Variants in TMLHE observed in about 807,000 individuals in gnomAD.
TMLHE encodes trimethyllysine hydroxylase, epsilon, also known as trimethyllysine dioxygenase, mitochondrial.
TMLHE carries 18 observed loss-of-function variants against 25.7 expected under a neutral mutation model. That is an observed-to-expected ratio of 0.70 (90% CI 0.48 to 1.04). TMLHE has a LOEUF of 1.04. TMLHE is among the 50% of genes least tolerant of loss of function. TMLHE has a pLI of 0.00. For missense variants in TMLHE, 236 were observed against 259.0 expected, an observed-to-expected ratio of 0.91 and a Z score of 0.61; for synonymous variants, 105 against 97.0, an observed-to-expected ratio of 1.08 and a Z score of -0.49.
At chrX:155,523,183 C>A (rs1240595765) in intron 3 of TMLHE, among the ~76,000 whole-genome samples, 4 of 111,877 alleles carry the variant, frequency 3.6e-5, no homozygotes, top group Non-Finnish European at 7.5e-5. Context: ...TATCTTTTAT[C>A]CATTTTTAAA....
intron 1 of TMLHE, among the ~76,000 whole-genome samples, chrX:155,579,243 GAAA>G (rs2067610201): frequency 9.0e-6 from 1 of 111,366 alleles, no homozygotes; most frequent in Non-Finnish European, 1.9e-5. Context: ...CACAGAATTA[GAAA>G]AAAATTATAA....
intron 1 of TMLHE, among the ~76,000 whole-genome samples, chrX:155,580,020 C>T (rs916723641): frequency 9.1e-6 from 1 of 110,442 alleles, no homozygotes; most frequent in Non-Finnish European, 1.9e-5. Context: ...AATTAATCAA[C>T]CAGGTGCACA....
intron 1 of TMLHE, among the ~76,000 whole-genome samples, chrX:155,586,486 C>A (rs1009913642): frequency 9.1e-6 from 1 of 110,150 alleles, no homozygotes. Flanking sequence ...TGAACAAAAC[C>A]CAAAATTAGC....
intron 1 of TMLHE, among the ~76,000 whole-genome samples, chrX:155,556,012 T>C (rs2067452049): frequency 9.0e-6 from 1 of 110,878 alleles, no homozygotes; most frequent in African/African-American, 3.3e-5. Flanking sequence ...AGGTCTAACA[T>C]TTAAGTCTTT....
intron 1 of TMLHE, among the ~76,000 whole-genome samples, chrX:155,559,923 C>G (rs905114367): frequency 2.4e-4 from 27 of 112,543 alleles, no homozygotes; most frequent in African/African-American, 8.1e-4. Context: ...AGACTTAGCT[C>G]AAATGTCACC....
At chrX:155,522,165 A>T (rs1260777536) in intron 3 of TMLHE, among the ~76,000 whole-genome samples, 4 of 111,817 alleles carry the variant, frequency 3.6e-5, no homozygotes, top group African/African-American at 1.3e-4. Context: ...TTTCTATGGC[A>T]TTTTTTTTCT....
chrX:155,544,969 T>C (rs1046193160), intron 2 of TMLHE, 127 bp downstream of exon 2: 12 of 666,255 alleles, frequency 1.8e-5, no homozygotes, highest in Non-Finnish European at 2.8e-5. Context: ...ATGGTTAAGA[T>C]AGTAAATTTT....
chrX:155,580,731 C>T (rs2067621209), intron 1 of TMLHE, among the ~76,000 whole-genome samples: 1 of 111,504 alleles, frequency 9.0e-6, no homozygotes, highest in African/African-American at 3.3e-5. Context: ...AGGGAAACTA[C>T]TCTTTATAAA....
At chrX:155,570,880 G>A (rs1207915300) in intron 1 of TMLHE, among the ~76,000 whole-genome samples, 1 of 57,158 alleles carries the variant, frequency 1.7e-5, no homozygotes, top group Non-Finnish European at 4.6e-5. Context: ...AAGAGAAGCA[G>A]GAAAGATCCA....
chrX:155,577,939 T>C (rs1301534570), intron 1 of TMLHE, among the ~76,000 whole-genome samples: 2 of 111,365 alleles, frequency 1.8e-5, no homozygotes, highest in African/African-American at 6.6e-5. Context: ...CCTATGTTGC[T>C]CCCACTGATA....
chrX:155,607,816 T>TA (rs1303483574), intron 1 of TMLHE, among the ~76,000 whole-genome samples: 1 of 109,693 alleles, frequency 9.1e-6, no homozygotes, highest in African/African-American at 3.3e-5. Context: ...ACAATAGACA[T>TA]AAAAAAAATA....
chrX:155,581,954 T>G (rs1273446316), intron 1 of TMLHE, among the ~76,000 whole-genome samples: 1 of 111,967 alleles, frequency 8.9e-6, no homozygotes, highest in African/African-American at 3.3e-5. Flanking sequence ...CAAAACAGCA[T>G]GGTACTGGTA....
intron 1 of TMLHE, among the ~76,000 whole-genome samples, chrX:155,577,173 C>T (rs1412726894): frequency 8.9e-6 from 1 of 112,060 alleles, no homozygotes; most frequent in Non-Finnish European, 1.9e-5. Flanking sequence ...AACCAAACAA[C>T]CCCATTAAAG....
intron 3 of TMLHE, among the ~76,000 whole-genome samples, chrX:155,515,033 C>T (rs1195265356): frequency 2.7e-5 from 3 of 110,525 alleles, no homozygotes; most frequent in East Asian, 2.8e-4. Context: ...TTCCTCCCTC[C>T]CCTTGGTAAA....
At chrX:155,603,941 G>A (rs2067772284) in intron 1 of TMLHE, among the ~76,000 whole-genome samples, 1 of 112,294 alleles carries the variant, frequency 8.9e-6, no homozygotes, top group South Asian at 3.7e-4. Context: ...AAAGAACCGA[G>A]AGCCCCTCTG....
intron 1 of TMLHE, among the ~76,000 whole-genome samples, chrX:155,548,689 T>G (rs781803272): frequency 1.9e-5 from 2 of 107,544 alleles, no homozygotes; most frequent in Non-Finnish European, 3.8e-5. Context: ...GAGCTGAGAT[T>G]GTGCCACTGC....
At chrX:155,558,015 G>A (rs2067470081) in intron 1 of TMLHE, among the ~76,000 whole-genome samples, 1 of 111,459 alleles carries the variant, frequency 9.0e-6, no homozygotes, top group South Asian at 3.8e-4. Flanking sequence ...TTTGCACATG[G>A]TAGGAAGAGT....
chrX:155,592,536 C>A (rs782067357), intron 1 of TMLHE, among the ~76,000 whole-genome samples: 2 of 111,968 alleles, frequency 1.8e-5, no homozygotes, highest in Non-Finnish European at 3.8e-5. Flanking sequence ...CAGTGCCATA[C>A]AGAGACAGTT....
At chrX:155,510,021 T>C (rs2067097229) in intron 5 of TMLHE, among the ~76,000 whole-genome samples, 1 of 111,407 alleles carries the variant, frequency 9.0e-6, no homozygotes, top group Non-Finnish European at 1.9e-5. Flanking sequence ...TTCAAATTCT[T>C]CTTAATGCCA....
Sources: gnomAD v4.1 joint callset for allele counts (sites outside exome capture counted in the v4.1 genomes callset) on GRCh38, gnomAD v4.1.1 for gene constraint, MANE v1.5 for transcripts, NCBI Gene and HGNC (gene_info 2026-07-23, HGNC 2026-07-21) for gene names.